The following EXTL3 variants were observed in gnomAD, a reference collection of about 807,000 sequenced individuals.
EXTL3 encodes the protein exostosin-like 3.
In EXTL3, 27 loss-of-function variants were observed where a neutral mutation model predicts 69.3. The ratio of observed to expected loss-of-function variants is 0.39; its 90% CI spans 0.29 to 0.54. EXTL3 has a LOEUF of 0.54. EXTL3 is among the 20% of genes least tolerant of loss of function. EXTL3 has a pLI of 0.69. For synonymous variants in EXTL3, 511 were observed against 499.4 expected, an observed-to-expected ratio of 1.02 and a Z score of -0.31; for missense variants, 1,003 against 1,231.8, an observed-to-expected ratio of 0.81 and a Z score of 2.78.
At chr8:28,712,996 A>G (rs917514022) in intron 1 of EXTL3, among the ~76,000 whole-genome samples, 4 of 152,218 alleles carry the variant, frequency 2.6e-5, no homozygotes, top group African/African-American at 9.7e-5. Flanking sequence ...CCCATCATTC[A>G]GTGTCAACAG....
chr8:28,653,984 A>G (rs1165278511), intron 1 of EXTL3, among the ~76,000 whole-genome samples: 2 of 152,212 alleles, frequency 1.3e-5, no homozygotes, highest in African/African-American at 4.8e-5. Flanking sequence ...TAGTATTCTC[A>G]TCCTAACAAT....
At chr8:28,616,575 C>T (rs1012615221) in intron 2 of EXTL3, among the ~76,000 whole-genome samples, 3 of 151,400 alleles carry the variant, frequency 2.0e-5, no homozygotes, top group Non-Finnish European at 2.9e-5. Flanking sequence ...TGCAGTGAGC[C>T]GAGATCATGC....
chr8:28,658,997 G>A (rs240748), intron 1 of EXTL3, among the ~76,000 whole-genome samples: 54,313 of 152,126 alleles, frequency 0.36, 9,978 homozygotes, highest in East Asian at 0.42. Flanking sequence ...GTTATTTTGA[G>A]CAATGCTACA....
intron 1 of EXTL3, among the ~76,000 whole-genome samples, chr8:28,675,792 C>T (rs1243920643): frequency 9.2e-5 from 14 of 152,208 alleles, no homozygotes; most frequent in South Asian, 2.1e-4. Context: ...GAGGCCAAGG[C>T]GGTCAGATCA....
At chr8:28,713,994 C>A (rs942055202) in intron 2 of EXTL3, among the ~76,000 whole-genome samples, 2 of 150,320 alleles carry the variant, frequency 1.3e-5, no homozygotes, top group Non-Finnish European at 3.0e-5. Flanking sequence ...GCAACCTCCA[C>A]CTCCCGGGTT....
At chr8:28,648,551 A>G (rs1310592920) in intron 1 of EXTL3, among the ~76,000 whole-genome samples, 1 of 152,198 alleles carries the variant, frequency 6.6e-6, no homozygotes, top group Admixed American at 6.5e-5. Context: ...TTTTGGCTCC[A>G]GATCCTTTTC....
chr8:28,616,286 A>T (rs1405078614), intron 2 of EXTL3, among the ~76,000 whole-genome samples: 8 of 151,892 alleles, frequency 5.3e-5, no homozygotes, highest in Admixed American at 3.9e-4. Flanking sequence ...TAACTGAAGG[A>T]GGGAGATGGA....
chr8:28,713,276 C>T (rs1424098045), intron 1 of EXTL3, among the ~76,000 whole-genome samples, 181 bp from the exon 2 acceptor site: 1 of 152,128 alleles, frequency 6.6e-6, no homozygotes, highest in Non-Finnish European at 1.5e-5. Flanking sequence ...TAATAGTCTC[C>T]CTTTCCACTT....
upstream of EXTL3, among the ~76,000 whole-genome samples, chr8:28,617,798 C>T (rs1484035136): frequency 6.6e-6 from 1 of 152,090 alleles, no homozygotes; most frequent in African/African-American, 2.4e-5. Flanking sequence ...AAACCAAAAT[C>T]AACAACAATA....
At chr8:28,680,684 G>A (rs1252482639) in intron 1 of EXTL3, among the ~76,000 whole-genome samples, 10 of 152,024 alleles carry the variant, frequency 6.6e-5, no homozygotes, top group African/African-American at 2.4e-4. Flanking sequence ...GATCCTAACT[G>A]CAACTTGGTA....
chr8:28,641,901 T>A (rs1806749501), intron 1 of EXTL3, among the ~76,000 whole-genome samples: 1 of 152,174 alleles, frequency 6.6e-6, no homozygotes, highest in Non-Finnish European at 1.5e-5. Context: ...AGTGGAGCGA[T>A]CTTGGCTCAC....
chr8:28,661,941 A>G (rs1048828800), intron 1 of EXTL3, among the ~76,000 whole-genome samples: 4 of 151,142 alleles, frequency 2.6e-5, no homozygotes, highest in African/African-American at 9.7e-5. Flanking sequence ...ATATTGTTTC[A>G]CATATTACAT....
chr8:28,663,498 C>T, intron 1 of EXTL3, among the ~76,000 whole-genome samples: 1 of 152,074 alleles, frequency 6.6e-6, no homozygotes, highest in East Asian at 1.9e-4. Flanking sequence ...TGTCGCCACG[C>T]TAGAGTACAG....
chr8:28,675,829 C>T (rs1250010521), intron 1 of EXTL3, among the ~76,000 whole-genome samples: 1 of 152,010 alleles, frequency 6.6e-6, no homozygotes, highest in Admixed American at 6.6e-5. Context: ...CGAGACCAGC[C>T]TGACCAACAT....
intron 1 of EXTL3, among the ~76,000 whole-genome samples, chr8:28,670,401 A>G (rs900900777): frequency 3.3e-5 from 5 of 152,124 alleles, no homozygotes; most frequent in Non-Finnish European, 5.9e-5. Flanking sequence ...TTAGTATAGA[A>G]TTGACTCACA....
chr8:28,699,859 TAA>T (rs33936397), upstream of EXTL3: 36,154 of 151,942 alleles, frequency 0.24, 4,491 homozygotes, highest in Middle Eastern at 0.33. Context: ...AGCAATGTGT[TAA>T]GTTACTCCAA....
chr8:28,661,349 A>C (rs1052375979), intron 1 of EXTL3, among the ~76,000 whole-genome samples: 1 of 149,738 alleles, frequency 6.7e-6, no homozygotes, highest in Non-Finnish European at 1.5e-5. Context: ...TGTTTTATAT[A>C]TATATATACA....
intron 1 of EXTL3, among the ~76,000 whole-genome samples, chr8:28,636,084 A>G (rs543431553): frequency 9.2e-5 from 14 of 152,158 alleles, no homozygotes; most frequent in African/African-American, 3.4e-4. Flanking sequence ...TAATCCTCAC[A>G]CTTTGGGAGG....
upstream of EXTL3, among the ~76,000 whole-genome samples, chr8:28,617,978 G>A (rs1399153892): frequency 6.6e-6 from 1 of 152,138 alleles, no homozygotes; most frequent in African/African-American, 2.4e-5. Context: ...GAGCTCACTG[G>A]GGTCTAAGGG....
Sources: allele counts gnomAD v4.1 joint callset (sites outside exome capture counted in the v4.1 genomes callset), GRCh38; gene constraint gnomAD v4.1.1; transcripts MANE v1.5; gene names NCBI Gene and HGNC (gene_info 2026-07-23, HGNC 2026-07-21).